The following BCAS3 variants were observed in gnomAD, a reference collection of about 807,000 sequenced individuals.
The protein encoded by BCAS3 is BCAS3 microtubule associated cell migration factor.
Under a neutral mutation model 116.1 loss-of-function variants are expected in BCAS3, and 53 were observed. The observed-to-expected ratio is 0.46, with a 90% CI of 0.37 to 0.57. The LOEUF (loss-of-function observed/expected upper bound fraction) is 0.57, where lower values mean the gene tolerates loss of function less well. Ranked by LOEUF, BCAS3 falls within the 20% of genes least tolerant of loss-of-function variation. BCAS3 has a pLI of 0.00. For missense variants in BCAS3, 917 were observed against 1,165.4 expected, an observed-to-expected ratio of 0.79 and a Z score of 3.10; for synonymous variants, 391 against 408.2, an observed-to-expected ratio of 0.96 and a Z score of 0.51.
intron 7 of BCAS3, among the ~76,000 whole-genome samples, chr17:60,825,171 A>G (rs1174576233): frequency 1.3e-5 from 2 of 152,034 alleles, no homozygotes; most frequent in Non-Finnish European, 2.9e-5. Context: ...GTCTCAAAAA[A>G]AAAAAAAAAA....
At position 61,077,993 on chromosome 17, in the gene BCAS3, C is replaced by T. The variant is rs8064708; in HGVS notation, c.2131-340C>T. Reference sequence around the variant, plus strand: ...AGAATGAATGAAAAGGTAGACCCTACGGAGCTGACACTAGTTATATGAGGC... The same window carrying T: ...AGAATGAATGAAAAGGTAGACCCTATGGAGCTGACACTAGTTATATGAGGC... On this transcript the variant is annotated intron_variant, in intron 20 of 23. Coordinates refer to ENST00000407086, the MANE Select transcript of BCAS3 (RefSeq NM_017679.5). The surrounding 1 kb of genome is among the most constrained non-coding windows in gnomAD (Gnocchi z 4.3). Among the ~76,000 whole-genome samples the T allele has an allele frequency of 2.0e-5, 3 of 152,054 alleles. No individual in the cohort carries two copies. Among genetic ancestry groups the T allele is most frequent in the Non-Finnish European group, 2.9e-5 (2 of 68,014 alleles).
intron 19 of BCAS3, among the ~76,000 whole-genome samples, chr17:61,055,740 G>A (rs1428897627): frequency 2.6e-5 from 4 of 151,954 alleles, no homozygotes; most frequent in Non-Finnish European, 5.9e-5. Context: ...GTTTATAAAT[G>A]GGCCAAGGGG....
chr17:60,936,753 A>G (rs1225652266), intron 13 of BCAS3, among the ~76,000 whole-genome samples: 1 of 152,058 alleles, frequency 6.6e-6, no homozygotes, highest in African/African-American at 2.4e-5. Context: ...TAGATTCTCG[A>G]TATTAGCCCT....
At chr17:61,045,861 A>AAAAT (rs2068029410) in intron 19 of BCAS3, among the ~76,000 whole-genome samples, 1 of 6,234 alleles carries the variant, frequency 1.6e-4, no homozygotes, top group Non-Finnish European at 2.4e-4. Context: ...ATATATATAT[A>AAAAT]TATAAATATA....
intron 19 of BCAS3, among the ~76,000 whole-genome samples, chr17:61,054,716 G>A (rs1028071790): frequency 2.0e-5 from 3 of 152,160 alleles, no homozygotes; most frequent in Non-Finnish European, 4.4e-5. Flanking sequence ...CAAAAGGAAT[G>A]TCTCTATAAA....
At chr17:61,060,350 T>C (rs1034355077) in intron 19 of BCAS3, among the ~76,000 whole-genome samples, 3 of 151,716 alleles carry the variant, frequency 2.0e-5, no homozygotes, top group African/African-American at 7.3e-5. Context: ...TTAGCCAGTA[T>C]GGTCTCGATC....
In BCAS3 at chr17:61,325,825, T is replaced by G. The variant is rs1356831383; in HGVS notation, c.2426-42502T>G. 1.3e-5 allele frequency among the ~76,000 whole-genome samples: 2 copies of G among 152,014 alleles called. No individual in the cohort carries two copies. Among genetic ancestry groups the G allele is most frequent in the Non-Finnish European group, 2.9e-5 (2 of 67,994 alleles). On this transcript the variant is annotated intron_variant, in intron 22 of 23. Coordinates refer to ENST00000407086, the MANE Select transcript of BCAS3 (RefSeq NM_017679.5). The surrounding 1 kb of genome is among the most constrained non-coding windows in gnomAD (Gnocchi z 6.4). ...GGTCTTGGTGGCAAGATAAACAGGATAGGGTGGTCCCTGGGGACAGTCATC... is the reference window on the plus strand; with the variant it reads ...GGTCTTGGTGGCAAGATAAACAGGAGAGGGTGGTCCCTGGGGACAGTCATC...
intron 22 of BCAS3, among the ~76,000 whole-genome samples, chr17:61,283,455 GA>G (rs1360279985): frequency 2.1e-3 from 314 of 146,918 alleles, no homozygotes; most frequent in African/African-American, 7.9e-3. Flanking sequence ...AAAGTAAATT[GA>G]TTTTTTTTTT....
intron 5 of BCAS3, among the ~76,000 whole-genome samples, chr17:60,746,726 G>T (rs1315285745): frequency 2.0e-5 from 3 of 152,124 alleles, no homozygotes; most frequent in Non-Finnish European, 4.4e-5. Flanking sequence ...AAGGTTAACA[G>T]ACAATTAGTT....
chr17:61,244,164 A>T lies in BCAS3; in HGVS notation c.2426-124163A>T, dbSNP rs893804887. ...CTCAAGTAATACATATTTATTATTT[A>T]AAAAGCTTAAGAAAAAACAGAAGAA... On this transcript the variant is annotated intron_variant, in intron 22 of 23. Coordinates refer to ENST00000407086, the MANE Select transcript of BCAS3 (RefSeq NM_017679.5). The surrounding 1 kb of genome is among the most constrained non-coding windows in gnomAD (Gnocchi z 4.9). Among the ~76,000 whole-genome samples the T allele has an allele frequency of 4.6e-5, 7 of 152,216 alleles. No individual in the cohort carries two copies. Among genetic ancestry groups the T allele is most frequent in the South Asian group, 2.1e-4 (1 of 4,830 alleles).
At chr17:60,902,751 G>T (rs778367031) in intron 11 of BCAS3, 48 bp downstream of exon 11, 191 of 1,367,438 alleles carry the variant, frequency 1.4e-4, no homozygotes, top group Non-Finnish European at 1.9e-4. Context: ...TGTAGTAATT[G>T]TTCAGATTTC....
intron 15 of BCAS3, among the ~76,000 whole-genome samples, chr17:61,001,114 G>A (rs552404897): frequency 2.6e-5 from 4 of 152,178 alleles, no homozygotes; most frequent in South Asian, 4.1e-4. Context: ...CGTCCTCAGA[G>A]GGGTCATCTT....
chr17:60,865,906 G>C (rs539291790), intron 7 of BCAS3, among the ~76,000 whole-genome samples: 1 of 152,202 alleles, frequency 6.6e-6, no homozygotes, highest in South Asian at 2.1e-4. Flanking sequence ...TAAGGTAGAA[G>C]AAATTCTAAT....
Position 61,019,086 on chromosome 17 carries a change from C to A in BCAS3, c.1637+3185C>A, listed in dbSNP as rs2065695197. Reference sequence around the variant, plus strand: ...TATCTTTAAGCCAGAGGTCCCCAACCCCTGGGCCACAGACTGGTGCTAGTC... The same window carrying A: ...TATCTTTAAGCCAGAGGTCCCCAACACCTGGGCCACAGACTGGTGCTAGTC... On this transcript the variant is annotated intron_variant, in intron 16 of 23. Coordinates refer to ENST00000407086, the MANE Select transcript of BCAS3 (RefSeq NM_017679.5). This position sits in a 1 kb window ranked among gnomAD's most constrained non-coding sequence, Gnocchi z 5.6. Among the ~76,000 whole-genome samples the A allele has an allele frequency of 6.6e-6, 1 of 152,160 alleles. No individual in the cohort carries two copies. Among genetic ancestry groups the A allele is most frequent in the South Asian group, 2.1e-4 (1 of 4,826 alleles).
intron 7 of BCAS3, among the ~76,000 whole-genome samples, chr17:60,830,772 T>C (rs7225380): frequency 0.012 from 1,755 of 152,150 alleles, 34 homozygotes; most frequent in African/African-American, 0.038. Context: ...TATTATTATC[T>C]TAAAAATAAA....
At chr17:61,260,326 A>T (rs1441288991) in intron 22 of BCAS3, among the ~76,000 whole-genome samples, 1 of 152,230 alleles carries the variant, frequency 6.6e-6, no homozygotes, top group East Asian at 1.9e-4. Context: ...AACCCATAGT[A>T]CGTTAGACAA....
In BCAS3 at chr17:60,941,788, A is replaced by AT. The variant is rs112996941; in HGVS notation, c.1088-5427dup. On this transcript the variant is annotated intron_variant, in intron 13 of 23. Transcript: ENST00000407086. ...ACATATGGGAACGTGTTCATTTGTG[A>AT]TTTTCATTCATATGTAAAACAATAA... Among the ~76,000 whole-genome samples the AT allele has an allele frequency of 3.8e-3, 572 of 152,300 alleles. 3 individuals are homozygous for AT. Among genetic ancestry groups the AT allele is most frequent in the African/African-American group, 0.013 (544 of 41,556 alleles).
intron 6 of BCAS3, among the ~76,000 whole-genome samples, chr17:60,774,875 C>T (rs1164806774): frequency 6.6e-6 from 1 of 152,136 alleles, no homozygotes; most frequent in South Asian, 2.1e-4. Context: ...TCCTGGGCTG[C>T]GTGTTGTTGG....
chr17:61,033,456 TGAGA>T (rs2066792729), intron 16 of BCAS3, among the ~76,000 whole-genome samples: 1 of 152,178 alleles, frequency 6.6e-6, no homozygotes, highest in African/African-American at 2.4e-5. Flanking sequence ...GTCTGAGCTC[TGAGA>T]GGTTACATAA....
Sources: allele counts gnomAD v4.1 joint callset (sites outside exome capture counted in the v4.1 genomes callset), GRCh38; gene constraint gnomAD v4.1.1; non-coding constraint Gnocchi (gnomAD v3.1); transcripts MANE v1.5; gene names NCBI Gene and HGNC (gene_info 2026-07-23, HGNC 2026-07-21).